Variants in DMD observed in about 807,000 individuals in gnomAD.
The protein encoded by DMD is dystrophin.
In DMD, 63 loss-of-function variants were observed where a neutral mutation model predicts 330.1. The ratio of observed to expected loss-of-function variants is 0.19; its 90% CI spans 0.16 to 0.24. The LOEUF (loss-of-function observed/expected upper bound fraction) is 0.24, where lower values mean the gene tolerates loss of function less well. Among genes scored for constraint, DMD ranks in the 10% least tolerant of loss-of-function variants. DMD has a pLI of 1.00. For synonymous variants in DMD, 1,223 were observed against 959.8 expected (o/e 1.27, Z -5.07); for missense variants, 3,344 against 2,684.1 (o/e 1.25, Z -5.43).
Position 32,561,213 on chromosome X carries a change from C to A in DMD, c.1992+4489G>T, listed in dbSNP as rs180911588. On this transcript the variant is annotated intron_variant, in intron 16 of 78. Coordinates refer to ENST00000357033, the MANE Select transcript of DMD (RefSeq NM_004006.3). ...GTGGATAATAACAAACTTCCCTGAG[C>A]TAGAGGAGAATGTTCTAACCCAATG... Among the ~76,000 whole-genome samples the A allele has an allele frequency of 1.8e-3, 203 of 111,554 alleles. 1 individual carries two copies. Among genetic ancestry groups the A allele is most frequent in the Middle Eastern group, 4.6e-3 (1 of 217 alleles).
chrX:31,501,697 C>A (rs1206538484), intron 56 of DMD, among the ~76,000 whole-genome samples: 1 of 111,755 alleles, frequency 8.9e-6, no homozygotes, highest in Non-Finnish European at 1.9e-5. Flanking sequence ...TTGGTTAATG[C>A]CTAGTTTGAA....
chrX:33,036,611 G>C (rs781594895), intron 1 of DMD, among the ~76,000 whole-genome samples: 1 of 111,157 alleles, frequency 9.0e-6, no homozygotes, highest in Non-Finnish European at 1.9e-5. Context: ...ATCTCCGTAA[G>C]TTTTGGTACA....
At chrX:32,098,729 C>A (rs1043167926) in intron 44 of DMD, among the ~76,000 whole-genome samples, 4 of 111,738 alleles carry the variant, frequency 3.6e-5, no homozygotes, top group African/African-American at 6.5e-5. Flanking sequence ...TCTCCCGGGG[C>A]TAAATATGAT....
chrX:31,897,280 G>C (rs80197556), intron 47 of DMD, among the ~76,000 whole-genome samples: 12,869 of 110,533 alleles, frequency 0.12, 816 homozygotes, highest in Non-Finnish European at 0.18. Context: ...GCATAGTATT[G>C]CATGGTGTAT....
At chrX:31,585,243 G>A (rs1463470471) in intron 55 of DMD, among the ~76,000 whole-genome samples, 10 of 102,876 alleles carry the variant, frequency 9.7e-5, no homozygotes, top group African/African-American at 2.9e-4. Context: ...GGGATCACCC[G>A]AGCCCAGGAG....
At chrX:32,713,358 C>T (rs985341795) in intron 7 of DMD, among the ~76,000 whole-genome samples, 7 of 111,148 alleles carry the variant, frequency 6.3e-5, no homozygotes, top group African/African-American at 2.0e-4. Context: ...ATTCCAGTTG[C>T]ATTAAGCTGG....
intron 2 of DMD, among the ~76,000 whole-genome samples, chrX:32,874,644 T>A (rs1190718735): frequency 8.9e-6 from 1 of 111,781 alleles, no homozygotes; most frequent in Non-Finnish European, 1.9e-5. Flanking sequence ...AATTCTCCCC[T>A]TAAAGCTCGG....
intron 19 of DMD, among the ~76,000 whole-genome samples, chrX:32,500,103 C>G (rs1378785771): frequency 9.0e-6 from 1 of 110,635 alleles, no homozygotes; most frequent in Non-Finnish European, 1.9e-5. Context: ...TTAACACAGT[C>G]AACCAAACAG....
At chrX:32,382,485 C>A (rs1338423697) in intron 33 of DMD, among the ~76,000 whole-genome samples, 1 of 111,502 alleles carries the variant, frequency 9.0e-6, no homozygotes, top group African/African-American at 3.2e-5. Flanking sequence ...AATAAATATT[C>A]TGGAACCTTG....
At chrX:33,221,662 C>T (rs1013338528) in intron 1 of DMD, among the ~76,000 whole-genome samples, 7 of 109,560 alleles carry the variant, frequency 6.4e-5, no homozygotes, top group Non-Finnish European at 9.5e-5. Flanking sequence ...ACAAGTTACC[C>T]GTATCAGAAA....
At position 32,519,121 on chromosome X, in the gene DMD, A is replaced by G. The variant is rs528996903; in HGVS notation, c.2169-990T>C. On this transcript the variant is annotated intron_variant, in intron 17 of 78. Transcript: ENST00000357033. ...AAATATGGAATCAACCCAAGTGTCT[A>G]ATGGAATAGTATTAAGCCTTTAAGA... 3.3e-4 allele frequency among the ~76,000 whole-genome samples: 34 copies of G among 103,719 alleles called. 1 individual carries two copies. The South Asian group carries it at 0.016, about 48-fold the overall frequency. 90.1% of individuals were successfully genotyped at this position (103,719 alleles called of 115,157 possible).
chrX:32,799,393 C>T (rs2076386105), intron 7 of DMD, among the ~76,000 whole-genome samples: 1 of 111,236 alleles, frequency 9.0e-6, no homozygotes, highest in African/African-American at 3.3e-5. Context: ...TCTAAAGTTA[C>T]CCTGGTAAAT....
chrX:32,783,065 G>C (rs2074962940), intron 7 of DMD, among the ~76,000 whole-genome samples: 1 of 94,043 alleles, frequency 1.1e-5, no homozygotes, highest in South Asian at 4.4e-4. Context: ...TACATATATG[G>C]TGTATATATA....
intron 7 of DMD, among the ~76,000 whole-genome samples, chrX:32,714,017 T>A (rs768987153): frequency 1.8e-5 from 2 of 111,925 alleles, no homozygotes; most frequent in East Asian, 5.6e-4. Flanking sequence ...GTGTAATGCA[T>A]TGAGCACAGT....
intron 62 of DMD, among the ~76,000 whole-genome samples, chrX:31,275,246 T>A (rs1180634789): frequency 9.1e-6 from 1 of 110,141 alleles, no homozygotes; most frequent in Non-Finnish European, 1.9e-5. Context: ...TTACATTGAC[T>A]CTGTGAGCTA....
intron 52 of DMD, among the ~76,000 whole-genome samples, chrX:31,685,634 C>G (rs1483162939): frequency 8.9e-6 from 1 of 112,353 alleles, no homozygotes; most frequent in African/African-American, 3.2e-5. Context: ...TGTCAGGGCC[C>G]ATCTATCTGC....
chrX:33,090,087 C>A (rs1389563156), intron 1 of DMD, among the ~76,000 whole-genome samples: 1 of 111,309 alleles, frequency 9.0e-6, no homozygotes, highest in Non-Finnish European at 1.9e-5. Context: ...AGCTACAAAG[C>A]TTGTAAAATA....
At chrX:31,372,955 G>T (rs770341244) in intron 60 of DMD, among the ~76,000 whole-genome samples, 1 of 111,821 alleles carries the variant, frequency 8.9e-6, no homozygotes, top group Non-Finnish European at 1.9e-5. Context: ...TCCTTAAGCT[G>T]ATAAGCAACT....
At chrX:32,806,326 T>C (rs1311499055) in intron 7 of DMD, among the ~76,000 whole-genome samples, 2 of 108,376 alleles carry the variant, frequency 1.8e-5, no homozygotes, top group African/African-American at 7.1e-5. Flanking sequence ...CTAACAAAGA[T>C]TTAAAAAAAA....
Sources: allele counts gnomAD v4.1 joint callset (sites outside exome capture counted in the v4.1 genomes callset), GRCh38; gene constraint gnomAD v4.1.1; transcripts MANE v1.5; gene names NCBI Gene and HGNC (gene_info 2026-07-23, HGNC 2026-07-21).